The following SOX5 variants were observed in gnomAD, a reference collection of about 807,000 sequenced individuals.
SOX5 encodes SRY-box transcription factor 5.
In SOX5, 9 loss-of-function variants were observed where a neutral mutation model predicts 92.0. The observed-to-expected ratio is 0.10, with a 90% confidence interval of 0.06 to 0.17. The LOEUF is 0.17. Among genes scored for constraint, SOX5 ranks in the 10% least tolerant of loss-of-function variants. The probability of loss-of-function intolerance (pLI) is 1.00; values close to 1 mark genes in which losing one functional copy is unlikely to be tolerated. For synonymous variants in SOX5, 344 were observed against 336.3 expected (o/e 1.02, Z -0.25); for missense variants, 642 against 944.5 (o/e 0.68, Z 4.20).
intron 1 of SOX5, among the ~76,000 whole-genome samples, chr12:23,942,075 T>C (rs964985207): frequency 4.0e-5 from 6 of 151,784 alleles, no homozygotes; most frequent in Non-Finnish European, 7.4e-5. Flanking sequence ...AATAATACTT[T>C]AACTTTGCAA....
chr12:23,994,191 G>A (rs1592151712), intron 4 of SOX5, among the ~76,000 whole-genome samples: 1 of 151,904 alleles, frequency 6.6e-6, no homozygotes, highest in East Asian at 1.9e-4. Context: ...ATCATGAGAG[G>A]GAAATCTGAT....
chr12:23,750,219 T>G (rs371909012), intron 4 of SOX5, among the ~76,000 whole-genome samples: 1 of 151,958 alleles, frequency 6.6e-6, no homozygotes, highest in Non-Finnish European at 1.5e-5. Context: ...GTCTGATAAT[T>G]AATTTCTGAG....
At chr12:23,959,163 A>T (rs1946610592) in intron 4 of SOX5, among the ~76,000 whole-genome samples, 1 of 151,942 alleles carries the variant, frequency 6.6e-6, no homozygotes, top group Non-Finnish European at 1.5e-5. Context: ...GCACTAAATA[A>T]ATTAATTCAA....
intron 3 of SOX5, among the ~76,000 whole-genome samples, chr12:24,229,249 C>G (rs1215426077): frequency 6.6e-6 from 1 of 152,222 alleles, no homozygotes; most frequent in African/African-American, 2.4e-5. Context: ...AATAGCTTAG[C>G]ATGCCAGGGG....
At chr12:24,092,502 G>T (rs1944775659) in intron 4 of SOX5, among the ~76,000 whole-genome samples, 2 of 152,118 alleles carry the variant, frequency 1.3e-5, no homozygotes, top group South Asian at 4.1e-4. Flanking sequence ...ACCAATAAAT[G>T]CCGCCTCAAT....
intron 4 of SOX5, among the ~76,000 whole-genome samples, chr12:24,206,876 G>A (rs1373998445): frequency 6.6e-6 from 1 of 152,194 alleles, no homozygotes; most frequent in African/African-American, 2.4e-5. Flanking sequence ...TAAGCTGAGT[G>A]CCACAAACCA....
At chr12:23,615,352 A>T (rs1824023071) in intron 8 of SOX5, among the ~76,000 whole-genome samples, 2 of 151,996 alleles carry the variant, frequency 1.3e-5, no homozygotes, top group Admixed American at 1.3e-4. Context: ...TTTATTTTAA[A>T]TTTTTTAATT....
intron 4 of SOX5, among the ~76,000 whole-genome samples, chr12:24,135,492 T>A (rs1950032776): frequency 6.6e-6 from 1 of 152,196 alleles, no homozygotes; most frequent in African/African-American, 2.4e-5. Context: ...AGTAAATAAT[T>A]ACTGAGTATC....
intron 11 of SOX5, among the ~76,000 whole-genome samples, chr12:23,556,764 A>G (rs1175264194): frequency 2.4e-4 from 37 of 152,182 alleles, no homozygotes; most frequent in Admixed American, 2.4e-3. Context: ...GTTCCTTCAT[A>G]TTCACTTTTT....
intron 1 of SOX5, among the ~76,000 whole-genome samples, chr12:24,451,080 CATA>C (rs1238712072): frequency 6.6e-6 from 1 of 152,162 alleles, no homozygotes; most frequent in Non-Finnish European, 1.5e-5. Context: ...TTTCACTTAA[CATA>C]ATGACCTCCA....
chr12:23,822,943 CT>C (rs142380734), intron 3 of SOX5, among the ~76,000 whole-genome samples: 88,342 of 151,630 alleles, frequency 0.58, 25,766 homozygotes, highest in East Asian at 0.82. Flanking sequence ...ACTAGGACTG[CT>C]TTTTTTTGCT....
intron 4 of SOX5, among the ~76,000 whole-genome samples, chr12:24,005,550 A>G (rs1456066760): frequency 6.6e-6 from 1 of 152,156 alleles, no homozygotes; most frequent in African/African-American, 2.4e-5. Flanking sequence ...TTTCTTCACT[A>G]AATATGCTAA....
intron 4 of SOX5, among the ~76,000 whole-genome samples, chr12:24,020,131 G>A (rs1228222690): frequency 1.3e-5 from 2 of 152,148 alleles, no homozygotes; most frequent in Non-Finnish European, 2.9e-5. Flanking sequence ...ACTAATCAAT[G>A]TTGAGCAGTC....
chr12:23,639,969 G>C (rs2079824876), intron 8 of SOX5, among the ~76,000 whole-genome samples: 1 of 152,140 alleles, frequency 6.6e-6, no homozygotes, highest in Non-Finnish European at 1.5e-5. Context: ...TGTCTTTCAG[G>C]CTAACAGTAT....
chr12:23,605,945 G>A (rs954303634), intron 8 of SOX5, among the ~76,000 whole-genome samples: 1 of 151,768 alleles, frequency 6.6e-6, no homozygotes, highest in African/African-American at 2.4e-5. Context: ...TTATGTGTTG[G>A]AATAATTACA....
chr12:23,838,497 A>G (rs1328673076), intron 3 of SOX5, among the ~76,000 whole-genome samples: 2 of 151,964 alleles, frequency 1.3e-5, no homozygotes, highest in African/African-American at 4.8e-5. Context: ...TAGTGGTTCT[A>G]TGTTTATGCT....
chr12:23,744,851 T>G (rs2093927074), intron 4 of SOX5, among the ~76,000 whole-genome samples: 1 of 152,192 alleles, frequency 6.6e-6, no homozygotes. Flanking sequence ...TTCTGGATGC[T>G]AGAAGTCTAA....
At chr12:23,808,655 A>G (rs2095823380) in intron 3 of SOX5, among the ~76,000 whole-genome samples, 1 of 152,176 alleles carries the variant, frequency 6.6e-6, no homozygotes, top group Admixed American at 6.5e-5. Context: ...AAAATTAAAT[A>G]TAACTAGTGG....
chr12:24,431,841 C>G (rs369986131), intron 1 of SOX5, among the ~76,000 whole-genome samples: 1 of 152,058 alleles, frequency 6.6e-6, no homozygotes, highest in Admixed American at 6.6e-5. Context: ...TGGTAGTTGA[C>G]GATGCATTTC....
Sources: gnomAD v4.1 joint callset for allele counts (sites outside exome capture counted in the v4.1 genomes callset) on GRCh38, gnomAD v4.1.1 for gene constraint, MANE v1.5 for transcripts, NCBI Gene and HGNC (gene_info 2026-07-23, HGNC 2026-07-21) for gene names.